The following SCAMP1 variants were observed in gnomAD, a reference collection of about 807,000 sequenced individuals.
The protein encoded by SCAMP1 is secretory carrier-associated membrane protein 1.
In SCAMP1, 15 loss-of-function variants were observed where a neutral mutation model predicts 41.8. The observed-to-expected ratio is 0.36, with a 90% CI of 0.24 to 0.55. The LOEUF is 0.55. Among genes scored for constraint, SCAMP1 ranks in the 20% least tolerant of loss-of-function variants. The probability of loss-of-function intolerance (pLI) is 0.86; values close to 1 mark genes in which losing one functional copy is unlikely to be tolerated. For missense variants in SCAMP1, 341 were observed against 412.6 expected, an observed-to-expected ratio of 0.83 and a Z score of 1.50; for synonymous variants, 135 against 136.8, an observed-to-expected ratio of 0.99 and a Z score of 0.09.
chr5:78,467,812 A>G (rs1388570778), intron 8 of SCAMP1, among the ~76,000 whole-genome samples: 1 of 152,204 alleles, frequency 6.6e-6, no homozygotes, highest in Non-Finnish European at 1.5e-5. Context: ...TCTTGCTGTA[A>G]TAGAAATTAA....
At chr5:78,464,428 C>T (rs1201699280) in intron 8 of SCAMP1, among the ~76,000 whole-genome samples, 1 of 152,172 alleles carries the variant, frequency 6.6e-6, no homozygotes, top group Non-Finnish European at 1.5e-5. Context: ...ACAGCCACTT[C>T]CATTACTTTT....
At chr5:78,459,404 T>C in intron 8 of SCAMP1, 42 bp downstream of exon 8, 1 of 947,824 alleles carries the variant, frequency 1.1e-6, no homozygotes, top group African/African-American at 1.6e-5. Flanking sequence ...GTGAACGTGA[T>C]GTAAAGTTCT....
intron 6 of SCAMP1, among the ~76,000 whole-genome samples, chr5:78,442,767 A>G (rs1752958076): frequency 6.6e-6 from 1 of 152,214 alleles, no homozygotes; most frequent in Admixed American, 6.5e-5. Context: ...TAGTTGTTAT[A>G]TTCTCCTATA....
chr5:78,399,737 C>G (rs1183864174), intron 2 of SCAMP1, among the ~76,000 whole-genome samples: 1 of 152,126 alleles, frequency 6.6e-6, no homozygotes, highest in Non-Finnish European at 1.5e-5. Flanking sequence ...TTCTCCCAGT[C>G]TGTGGTTTCT....
chr5:78,389,838 G>C (rs756141358), intron 2 of SCAMP1, among the ~76,000 whole-genome samples: 2 of 151,960 alleles, frequency 1.3e-5, no homozygotes, highest in Non-Finnish European at 2.9e-5. Flanking sequence ...CCTGTATTTG[G>C]GTCTGCCTCC....
intron 2 of SCAMP1, among the ~76,000 whole-genome samples, chr5:78,410,835 C>T (rs1452568800): frequency 6.6e-6 from 1 of 152,164 alleles, no homozygotes; most frequent in African/African-American, 2.4e-5. Context: ...TAATAGTTAC[C>T]ATTCTGACTG....
In SCAMP1 at chr5:78,478,498, A is replaced by G. The variant is rs1037265982; in HGVS notation, c.*2830A>G. 9.8e-5 allele frequency: 15 copies of G among 152,498 alleles called. No homozygotes were observed. Among genetic ancestry groups the G allele is most frequent in the Admixed American group, 5.9e-4 (9 of 15,298 alleles). 9.4% of individuals were successfully genotyped at this position (152,498 alleles called of 1,614,324 possible). A position where few individuals can be genotyped will look rare whatever the true frequency, so the allele number is the denominator to read the frequency against. ...ATTAGACCTTTACAGGTAATGGAACATGAGCTTCACCCATATTAAATATTT... is the reference window on the plus strand; with the variant it reads ...ATTAGACCTTTACAGGTAATGGAACGTGAGCTTCACCCATATTAAATATTT... On this transcript the variant is annotated 3_prime_UTR_variant, in exon 9 of 9. Coordinates refer to ENST00000621999, the MANE Select transcript of SCAMP1 (RefSeq NM_004866.6).
chr5:78,447,468 A>G (rs1203726677), intron 6 of SCAMP1, among the ~76,000 whole-genome samples: 1 of 152,182 alleles, frequency 6.6e-6, no homozygotes, highest in African/African-American at 2.4e-5. Flanking sequence ...ACAGACTACT[A>G]ATTTTGAGAA....
At chr5:78,440,875 C>T (rs1253156371) in intron 6 of SCAMP1, among the ~76,000 whole-genome samples, 6 of 152,226 alleles carry the variant, frequency 3.9e-5, no homozygotes, top group African/African-American at 1.4e-4. Flanking sequence ...AGCTTCCCAG[C>T]AGCTTTCTTT....
chr5:78,425,886 A>C (rs1416617369), intron 6 of SCAMP1, among the ~76,000 whole-genome samples: 1 of 151,998 alleles, frequency 6.6e-6, no homozygotes, highest in East Asian at 1.9e-4. Context: ...CTATCAACCC[A>C]TCATCCAGGT....
chr5:78,432,256 G>A (rs929592567), intron 6 of SCAMP1, among the ~76,000 whole-genome samples: 1 of 151,868 alleles, frequency 6.6e-6, no homozygotes, highest in Non-Finnish European at 1.5e-5. Flanking sequence ...TTTTACATTG[G>A]CCTTTATTAA....
chr5:78,423,356 G>C (rs1752387754), intron 6 of SCAMP1, among the ~76,000 whole-genome samples: 1 of 152,188 alleles, frequency 6.6e-6, no homozygotes, highest in South Asian at 2.1e-4. Context: ...GTTACTCCTT[G>C]CATGATCTGA....
chr5:78,395,365 G>T (rs1580662004), intron 2 of SCAMP1, among the ~76,000 whole-genome samples: 2 of 152,306 alleles, frequency 1.3e-5, no homozygotes, highest in Non-Finnish European at 2.9e-5. Flanking sequence ...GAGAGACTGT[G>T]GGTGATCATA....
At chr5:78,392,027 GGGAGAGGGAGACCGTGGAA>G in intron 2 of SCAMP1, among the ~76,000 whole-genome samples, 1 of 1,268 alleles carries the variant, frequency 7.9e-4, no homozygotes, top group Non-Finnish European at 3.5e-3. Context: ...GGGAGAGAGA[GGGAGAGGGAGACCGTGGAA>G]AGAGAGGGAG....
intron 1 of SCAMP1, among the ~76,000 whole-genome samples, chr5:78,386,277 T>G (rs1159282466): frequency 6.6e-6 from 1 of 152,188 alleles, no homozygotes; most frequent in Non-Finnish European, 1.5e-5. Flanking sequence ...TAACTACTCT[T>G]GCTTGCTTTT....
chr5:78,396,813 A>G (rs1372371569), intron 2 of SCAMP1, among the ~76,000 whole-genome samples: 1 of 152,240 alleles, frequency 6.6e-6, no homozygotes, highest in Non-Finnish European at 1.5e-5. Context: ...GATAGTGATA[A>G]ACTATCAATG....
chr5:78,448,158 T>TCTC (rs1156977622), intron 6 of SCAMP1, among the ~76,000 whole-genome samples: 1 of 110,356 alleles, frequency 9.1e-6, no homozygotes, highest in Non-Finnish European at 1.8e-5. Context: ...TCTTCCTCCT[T>TCTC]CTCCTCCTCC....
intron 1 of SCAMP1, among the ~76,000 whole-genome samples, chr5:78,377,116 A>T (rs1414360901): frequency 6.6e-6 from 1 of 152,014 alleles, no homozygotes; most frequent in African/African-American, 2.4e-5. Flanking sequence ...GGAAAAAAAA[A>T]GCTGAGGCCC....
intron 6 of SCAMP1, among the ~76,000 whole-genome samples, chr5:78,439,542 C>T (rs777539645): frequency 2.0e-5 from 3 of 152,058 alleles, no homozygotes; most frequent in Non-Finnish European, 4.4e-5. Flanking sequence ...GAATATTGGC[C>T]CCTACTCTCT....
Sources: allele counts gnomAD v4.1 joint callset (sites outside exome capture counted in the v4.1 genomes callset), GRCh38; gene constraint gnomAD v4.1.1; transcripts MANE v1.5; gene names NCBI Gene and HGNC (gene_info 2026-07-23, HGNC 2026-07-21).